Variants in XAF1 observed in about 807,000 individuals in gnomAD.
XAF1 encodes the protein XIAP associated factor 1, also known as XIAP-associated factor 1.
A neutral mutation model predicts 32.3 loss-of-function variants in XAF1; 32 were observed. That is an observed-to-expected ratio of 0.99 (90% CI 0.75 to 1.33). The LOEUF (loss-of-function observed/expected upper bound fraction) is 1.33, where lower values mean the gene tolerates loss of function less well. Ranked by LOEUF, XAF1 falls within the 40% of genes most tolerant of loss-of-function variation. The pLI, the probability that XAF1 is intolerant of heterozygous loss-of-function variation, is 0.00. For missense variants in XAF1, 379 were observed against 366.0 expected (o/e 1.04, Z -0.29); for synonymous variants, 120 against 125.9 (o/e 0.95, Z 0.31).
Position 6,762,135 on chromosome 17 carries a change from T to C in XAF1, c.422-20T>C, listed in dbSNP as rs376909667. 2.4e-5 allele frequency: 39 copies of C among 1,612,336 alleles called. No individual in the cohort carries two copies. The highest frequency in any genetic ancestry group is 3.2e-5 in the Non-Finnish European group (38 of 1,178,948). On this transcript the variant is annotated intron_variant, in intron 4 of 6. Transcript: ENST00000361842. Reference sequence around the variant, plus strand: ...TTGACAAGGACAATCATTTGTGGTGTTGTTTCTCTGCTTATTCAGGGGAAA... The same window carrying C: ...TTGACAAGGACAATCATTTGTGGTGCTGTTTCTCTGCTTATTCAGGGGAAA...
Position 6,756,102 on chromosome 17 carries a change from C to T in XAF1, c.24C>T (p.Cys8=), listed in dbSNP as rs1974630014. 1.2e-6 allele frequency: 2 copies of T among 1,613,880 alleles called. No individual in the cohort carries two copies. The highest frequency in any genetic ancestry group is 1.7e-5 in the Admixed American group (1 of 60,000). The change falls in exon 1 of 7, where the codon TGC becomes TGT. Residue 8 remains cysteine, a synonymous_variant. Coordinates refer to ENST00000361842, the MANE Select transcript of XAF1 (RefSeq NM_017523.5). ...ACATGGAAGGAGACTTCTCGGTGTG[C>T]AGGAACTGGTAAGAAAGTGCTTTCT... MEGDFSV[C]RNCKRHVVSA... is the part of the protein sequence containing the mutation.
intron 6 of XAF1, 47 bp from the exon 7 acceptor site, chr17:6,773,066 A>G: frequency 6.7e-7 from 1 of 1,498,014 alleles, no homozygotes; most frequent in Non-Finnish European, 9.2e-7. Context: ...AGGAGCTAGC[A>G]CTTCTTACTT....
At chr17:6,765,450 T>A (rs979651479) in intron 5 of XAF1, among the ~76,000 whole-genome samples, 2 of 152,180 alleles carry the variant, frequency 1.3e-5, no homozygotes, top group Non-Finnish European at 2.9e-5. Context: ...AAAAATTTTT[T>A]AAAAAGCCAT....
chr17:6,765,802 T>G (rs569892224), intron 5 of XAF1, among the ~76,000 whole-genome samples: 2 of 152,338 alleles, frequency 1.3e-5, no homozygotes, highest in African/African-American at 4.8e-5. Context: ...CAGTCTATTC[T>G]CATCACAGAG....
chr17:6,770,547 T>C, intron 5 of XAF1, 96 bp from the exon 6 acceptor site: 2 of 1,036,776 alleles, frequency 1.9e-6, no homozygotes, highest in Non-Finnish European at 2.8e-6. Context: ...TAAAAGTGTT[T>C]ACAGTGGGAA....
chr17:6,769,353 AT>A (rs1351604488), intron 5 of XAF1, among the ~76,000 whole-genome samples: 1 of 152,212 alleles, frequency 6.6e-6, no homozygotes, highest in Non-Finnish European at 1.5e-5. Context: ...TGATTTAATC[AT>A]CCCACAATGT....
Position 6,770,806 on chromosome 17 carries a change from C to T in XAF1, c.671C>T (p.Ser224Phe). The stretch of plus-strand genomic sequence containing the variant: ...AGTATAAACAGATTTCCTCTTCATT[C>T]TGAAAGTTCATCAAAGAAAGCACCA... ...TRSINRFPLHSESSSKKAPRS... is the reference protein window; with the variant it reads ...TRSINRFPLHFESSSKKAPRS... Residue 224 changes from serine to phenylalanine, a missense_variant, in exon 6 of 7, where the codon TCT becomes TTT. Ser to Phe is a radical substitution (Grantham distance 155). Coordinates refer to ENST00000361842, the MANE Select transcript of XAF1 (RefSeq NM_017523.5). 6.2e-7 allele frequency: 1 copy of T among 1,613,730 alleles called. No homozygotes were observed. Among genetic ancestry groups the T allele is most frequent in the Non-Finnish European group, 8.5e-7 (1 of 1,179,910 alleles).
intron 4 of XAF1, among the ~76,000 whole-genome samples, chr17:6,761,029 C>T (rs535880445): frequency 5.9e-5 from 9 of 152,302 alleles, no homozygotes; most frequent in African/African-American, 2.2e-4. Flanking sequence ...TGGCGGACGC[C>T]TGTAGTCCCA....
At chr17:6,755,543 G>T, upstream of XAF1, 1 of 998,064 alleles carries the variant, frequency 1.0e-6, no homozygotes, top group Non-Finnish European at 1.2e-6. Context: ...TTGGGTCTGG[G>T]CTCACACCAC....
intron 5 of XAF1, among the ~76,000 whole-genome samples, chr17:6,765,179 C>T (rs935110491): frequency 1.3e-5 from 2 of 152,080 alleles, no homozygotes; most frequent in Non-Finnish European, 2.9e-5. Context: ...TTTGGGAGGC[C>T]GAGGTGGGAG....
intron 5 of XAF1, among the ~76,000 whole-genome samples, chr17:6,767,834 C>T (rs1016897149): frequency 6.6e-6 from 1 of 152,058 alleles, no homozygotes; most frequent in Non-Finnish European, 1.5e-5. Context: ...CCTACTGATT[C>T]GTCAATTTTA....
At chr17:6,756,266 T>A in intron 1 of XAF1, 156 bp downstream of exon 1, 1 of 1,410,232 alleles carries the variant, frequency 7.1e-7, no homozygotes, top group Non-Finnish European at 9.4e-7. Flanking sequence ...GGTAGGAGGG[T>A]TTAAACTTGG....
At chr17:6,761,742 C>A in intron 4 of XAF1, 1 of 939,850 alleles carries the variant, frequency 1.1e-6, no homozygotes, top group Non-Finnish European at 1.4e-6. Flanking sequence ...CAACACAACA[C>A]AACACAGCTT....
At position 6,756,966 on chromosome 17, in the gene XAF1, A is replaced by C. The variant is rs572726704; in HGVS notation, c.32+856A>C. On this transcript the variant is annotated intron_variant, in intron 1 of 6. Coordinates refer to ENST00000361842, the MANE Select transcript of XAF1 (RefSeq NM_017523.5). ...CACAAGCAAGAGCTGATGGAAATGA[A>C]AGGAGTCATTTCTTTCTTTCTTCTT... Among the ~76,000 whole-genome samples, 52 of 151,112 alleles carry C rather than the reference A, an allele frequency of 3.4e-4. 1 individual carries two copies. Among genetic ancestry groups the C allele is most frequent in the African/African-American group, 1.2e-3 (47 of 40,754 alleles).
chr17:6,755,877 G>T, upstream of XAF1: 2 of 1,398,362 alleles, frequency 1.4e-6, no homozygotes. Context: ...TGACGGCCAA[G>T]GGCGACAGCA....
At chr17:6,773,007 G>C in intron 6 of XAF1, 106 bp from the exon 7 acceptor site, 1 of 984,740 alleles carries the variant, frequency 1.0e-6, no homozygotes, top group South Asian at 1.6e-5. Flanking sequence ...CAGTCTTTGG[G>C]CAGGGCTCAT....
chr17:6,759,280 A>T (rs1428108785), intron 2 of XAF1: 1 of 1,172,164 alleles, frequency 8.5e-7, no homozygotes, highest in African/African-American at 1.6e-5. Flanking sequence ...CATAGGCAAG[A>T]GGTTCTGGTT....
At chr17:6,772,680 T>C (rs138569897) in intron 6 of XAF1, among the ~76,000 whole-genome samples, 1,622 of 152,096 alleles carry the variant, frequency 0.011, 35 homozygotes, top group African/African-American at 0.037. Context: ...ATGTTGTCCA[T>C]GCTGGTCTTG....
rs1388197502 is a variant in XAF1, at chr17:6,774,320, G to T, written c.*1151G>T. On this transcript the variant is annotated 3_prime_UTR_variant, in exon 7 of 7. Transcript: ENST00000361842. The stretch of plus-strand genomic sequence containing the variant: ...TTGACAAAAATACGCAATGGGGAAA[G>T]AATTCCCCATTCAGTAAGTGGTACT... The T allele has an allele frequency of 6.6e-6, 1 of 152,172 alleles. No homozygotes were observed. Among genetic ancestry groups the T allele is most frequent in the Non-Finnish European group, 1.5e-5 (1 of 68,038 alleles). The allele number at this position is 152,172 out of a possible 1,614,324, so 9.4% of individuals were successfully genotyped here. A position where few individuals can be genotyped will look rare whatever the true frequency, so the allele number is the denominator to read the frequency against.
Sources: gnomAD v4.1 joint callset for allele counts (sites outside exome capture counted in the v4.1 genomes callset) on GRCh38, gnomAD v4.1.1 for gene constraint, MANE v1.5 for transcripts, NCBI Gene and HGNC (gene_info 2026-07-23, HGNC 2026-07-21) for gene names.